The following SEPSECS variants were observed in gnomAD, a reference collection of about 807,000 sequenced individuals.
The protein encoded by SEPSECS is O-phosphoseryl-tRNA(Sec) selenium transferase.
A neutral mutation model predicts 52.1 loss-of-function variants in SEPSECS; 42 were observed. That is an observed-to-expected ratio of 0.81 (90% CI 0.63 to 1.04). The LOEUF (loss-of-function observed/expected upper bound fraction) is 1.04, where lower values mean the gene tolerates loss of function less well. Among genes scored for constraint, SEPSECS ranks in the 50% least tolerant of loss-of-function variants. SEPSECS has a pLI of 0.00. For synonymous variants in SEPSECS, 216 were observed against 211.4 expected (o/e 1.02, Z -0.19); for missense variants, 590 against 610.6 (o/e 0.97, Z 0.36).
chr4:25,158,222 T>C (rs182872409), intron 2 of SEPSECS, among the ~76,000 whole-genome samples: 100 of 152,356 alleles, frequency 6.6e-4, no homozygotes, highest in Non-Finnish European at 5.9e-4. Flanking sequence ...AAGTTAGGCA[T>C]TATCATCAGT....
chr4:25,151,012 C>T (rs978871108), intron 6 of SEPSECS, among the ~76,000 whole-genome samples: 2 of 151,970 alleles, frequency 1.3e-5, no homozygotes, highest in Non-Finnish European at 2.9e-5. Context: ...CTAGAAAACG[C>T]TAGCAAGGAA....
intron 6 of SEPSECS, 42 bp downstream of exon 6, chr4:25,151,918 T>C: frequency 9.5e-7 from 1 of 1,052,582 alleles, no homozygotes; most frequent in Non-Finnish European, 1.5e-6. Flanking sequence ...TATGTTAAAA[T>C]GAATTTTTCC....
At chr4:25,153,684 AC>A (rs1316686880) in intron 5 of SEPSECS, among the ~76,000 whole-genome samples, 5 of 152,156 alleles carry the variant, frequency 3.3e-5, no homozygotes, top group South Asian at 2.1e-4. Flanking sequence ...TGTAAAAAAA[AC>A]AAAAAACAAA....
chr4:25,139,256 C>T (rs1393720949), intron 8 of SEPSECS, among the ~76,000 whole-genome samples: 1 of 151,988 alleles, frequency 6.6e-6, no homozygotes, highest in Non-Finnish European at 1.5e-5. Flanking sequence ...AGCTTTAGGG[C>T]CTACACATAA....
chr4:25,155,230 A>G, intron 4 of SEPSECS, 79 bp from the exon 5 acceptor site: 2 of 1,437,104 alleles, frequency 1.4e-6, no homozygotes, highest in South Asian at 2.3e-5. Context: ...GAAGCATGCT[A>G]TTCTACACAA....
intron 6 of SEPSECS, among the ~76,000 whole-genome samples, chr4:25,151,675 T>C (rs542160239): frequency 1.8e-4 from 27 of 152,036 alleles, no homozygotes; most frequent in Admixed American, 7.2e-4. Flanking sequence ...ATTAGAAAAA[T>C]GAAAATCCAG....
intron 8 of SEPSECS, among the ~76,000 whole-genome samples, chr4:25,139,621 T>C (rs1294784439): frequency 1.3e-5 from 2 of 152,046 alleles, no homozygotes; most frequent in African/African-American, 4.8e-5. Flanking sequence ...CTTGACCTCG[T>C]GATCTGCCCA....
At chr4:25,132,147 G>C (rs1275971045) in intron 8 of SEPSECS, among the ~76,000 whole-genome samples, 1 of 152,130 alleles carries the variant, frequency 6.6e-6, no homozygotes, top group African/African-American at 2.4e-5. Flanking sequence ...AGAAGGAATG[G>C]CTTCAAGCTG....
At chr4:25,126,337 A>G (rs1728368102) in intron 9 of SEPSECS, among the ~76,000 whole-genome samples, 1 of 152,144 alleles carries the variant, frequency 6.6e-6, no homozygotes, top group Non-Finnish European at 1.5e-5. Flanking sequence ...AGGCTAGGAC[A>G]TGGAAGATTC....
chr4:25,159,405 AG>A (rs796547080), intron 1 of SEPSECS: 49 of 373,660 alleles, frequency 1.3e-4, no homozygotes, highest in African/African-American at 1.0e-3. Context: ...TCCCCAGTGA[AG>A]ATGCTTCAAA....
At chr4:25,151,834 C>T (rs949706967) in intron 6 of SEPSECS, 126 bp downstream of exon 6, 3 of 657,218 alleles carry the variant, frequency 4.6e-6, no homozygotes, top group Admixed American at 2.5e-5. Flanking sequence ...AAGTTCCTAA[C>T]ACAACCTGAA....
At position 25,121,526 on chromosome 4, in the gene SEPSECS, C is replaced by T. The variant is rs1251819243; in HGVS notation, c.*2405G>A. 2 of 152,056 alleles carry T rather than the reference C, an allele frequency of 1.3e-5. No individual in the cohort carries two copies. The highest frequency in any genetic ancestry group is 2.9e-5 in the Non-Finnish European group (2 of 67,988). 9.4% of individuals were successfully genotyped at this position (152,056 alleles called of 1,614,324 possible). On this transcript the variant is annotated 3_prime_UTR_variant, in exon 11 of 11. Coordinates refer to ENST00000382103, the MANE Select transcript of SEPSECS (RefSeq NM_016955.4). ...TATGAGGCTTACCAATCAGTACTAG[C>T]GAATTATAATAAATACATCCTTTTT...
Position 25,145,031 on chromosome 4 carries a change from T to C in SEPSECS, c.907A>G (p.Ile303Val), listed in dbSNP as rs755041716. 6.0e-5 allele frequency: 97 copies of C among 1,613,870 alleles called. No homozygotes were observed. Among genetic ancestry groups the C allele is most frequent in the Non-Finnish European group, 7.8e-5 (92 of 1,179,942 alleles). Residue 303 changes from isoleucine to valine, a missense_variant, in exon 7 of 11, where the codon ATT (isoleucine) becomes GTT (valine). Ile to Val is a conservative substitution (Grantham distance 29). Coordinates refer to ENST00000382103, the MANE Select transcript of SEPSECS (RefSeq NM_016955.4). ...AIIAGFNDSF[I>V]QEISKMYPGR... ...GGATACATCTTGCTGATTTCCTGAATGAATGAATCATTAAAGCCAGCAATT... is the reference window on the plus strand; with the variant it reads ...GGATACATCTTGCTGATTTCCTGAACGAATGAATCATTAAAGCCAGCAATT...
intron 3 of SEPSECS, among the ~76,000 whole-genome samples, chr4:25,156,655 C>A (rs1240987176): frequency 7.3e-6 from 1 of 136,944 alleles, no homozygotes; most frequent in Non-Finnish European, 1.5e-5. Context: ...TTGCAGTGAG[C>A]CGAGATCGCG....
At chr4:25,141,112 T>C (rs897287555) in intron 8 of SEPSECS, among the ~76,000 whole-genome samples, 1 of 152,198 alleles carries the variant, frequency 6.6e-6, no homozygotes, top group African/African-American at 2.4e-5. Flanking sequence ...TCAGTTTATA[T>C]ACGGGTCTTG....
intron 2 of SEPSECS, among the ~76,000 whole-genome samples, chr4:25,158,223 TATC>T (rs1019115237): frequency 1.3e-5 from 2 of 152,224 alleles, no homozygotes; most frequent in African/African-American, 4.8e-5. Context: ...AGTTAGGCAT[TATC>T]ATCAGTTTTG....
intron 1 of SEPSECS, 114 bp from the exon 2 acceptor site, chr4:25,159,221 T>G: frequency 1.1e-6 from 1 of 919,634 alleles, no homozygotes; most frequent in Non-Finnish European, 1.6e-6. Flanking sequence ...GCTTGTTTTC[T>G]AAAATTCAAG....
intron 2 of SEPSECS, among the ~76,000 whole-genome samples, chr4:25,158,374 G>A (rs1471687339): frequency 1.3e-5 from 2 of 152,200 alleles, no homozygotes; most frequent in Non-Finnish European, 2.9e-5. Flanking sequence ...AGCAATGAGT[G>A]ATCATATTAA....
chr4:25,156,255 G>T, intron 3 of SEPSECS, 60 bp from the exon 4 acceptor site: 1 of 1,428,346 alleles, frequency 7.0e-7, no homozygotes, highest in Non-Finnish European at 9.9e-7. Context: ...CATCCTTCTT[G>T]AGGAAATAAT....
Sources: gnomAD v4.1 joint callset for allele counts (sites outside exome capture counted in the v4.1 genomes callset) on GRCh38, gnomAD v4.1.1 for gene constraint, MANE v1.5 for transcripts, NCBI Gene and HGNC (gene_info 2026-07-23, HGNC 2026-07-21) for gene names.